AFF4: variants seen among roughly 807,000 people sequenced by gnomAD.
AFF4 encodes ALF transcription elongation factor 4, also known as AF4/FMR2 family member 4.
AFF4 carries 13 observed loss-of-function variants against 124.8 expected under a neutral mutation model. That is an observed-to-expected ratio of 0.10 (90% CI 0.07 to 0.17). The LOEUF is 0.17. AFF4 is among the 10% of genes least tolerant of loss of function. AFF4 has a pLI of 1.00. For missense variants in AFF4, 1,092 were observed against 1,403.8 expected, an observed-to-expected ratio of 0.78 and a Z score of 3.55; for synonymous variants, 477 against 496.1, an observed-to-expected ratio of 0.96 and a Z score of 0.51.
intron 5 of AFF4, among the ~76,000 whole-genome samples, chr5:132,904,892 T>C (rs559344548): frequency 1.3e-5 from 2 of 151,638 alleles, no homozygotes; most frequent in South Asian, 2.1e-4. Flanking sequence ...CTACGAAAAA[T>C]ACAAAAATTA....
chr5:132,883,225 T>C lies in AFF4; in HGVS notation c.3364+115A>G, dbSNP rs1760029719. The C allele has an allele frequency of 5.0e-6, 5 of 995,168 alleles. No individual in the cohort carries two copies. In the Admixed American group the frequency reaches 1.1e-4, roughly 22 times the overall value. The allele number at this position is 995,168 out of a possible 1,614,324, so 61.6% of individuals were successfully genotyped here. Reference sequence around the variant, plus strand: ...GCAATGAAGACTATTAACAAACAGATTATCATTAACTCTAAATAATAAAAC... The same window carrying C: ...GCAATGAAGACTATTAACAAACAGACTATCATTAACTCTAAATAATAAAAC... On this transcript the variant is annotated intron_variant, in intron 20 of 20. Transcript: ENST00000265343.
In AFF4 at chr5:132,891,899, A is replaced by G. The variant is rs1265767993; in HGVS notation, c.2637+265T>C. ...ATTCCTCAAATGATCCTTCCATCTT[A>G]GCCTCCCAAATAGCTGGGACTACAG... is the stretch of plus-strand genomic sequence containing the variant. On this transcript the variant is annotated intron_variant, in intron 13 of 20. Coordinates refer to ENST00000265343, the MANE Select transcript of AFF4 (RefSeq NM_014423.4). The G allele has an allele frequency of 9.3e-6, 5 of 535,798 alleles. No individual in the cohort carries two copies. The African/African-American group carries it at 9.5e-5, about 10-fold the overall frequency. 33.2% of individuals were successfully genotyped at this position (535,798 alleles called of 1,614,324 possible). A position where few individuals can be genotyped will look rare whatever the true frequency, so the allele number is the denominator to read the frequency against.
At chr5:132,939,252 GAT>G (rs1761510719) in intron 1 of AFF4, among the ~76,000 whole-genome samples, 1 of 150,494 alleles carries the variant, frequency 6.6e-6, no homozygotes, top group South Asian at 2.1e-4. Context: ...AAGTGTTTCA[GAT>G]ATGTTTTCAA....
chr5:132,915,968 C>T (rs1389685545), intron 5 of AFF4, among the ~76,000 whole-genome samples: 1 of 151,842 alleles, frequency 6.6e-6, no homozygotes, highest in East Asian at 1.9e-4. Context: ...TTAAGAATTG[C>T]TTAAGGCCAG....
intron 8 of AFF4, 27 bp from the exon 9 acceptor site, chr5:132,899,168 T>C (rs777536590): frequency 3.1e-6 from 5 of 1,597,968 alleles, no homozygotes; most frequent in South Asian, 1.1e-5. Context: ...AGAAAGAATC[T>C]GTGAATGAAT....
At chr5:132,899,331 A>C (rs1218204710) in intron 8 of AFF4, among the ~76,000 whole-genome samples, 190 bp from the exon 9 acceptor site, 1 of 152,212 alleles carries the variant, frequency 6.6e-6, no homozygotes, top group African/African-American at 2.4e-5. Flanking sequence ...CTTTGTTAAT[A>C]GTTATTATTG....
chr5:132,909,408 G>A (rs1248767521), intron 5 of AFF4, among the ~76,000 whole-genome samples: 1 of 152,194 alleles, frequency 6.6e-6, no homozygotes, highest in Non-Finnish European at 1.5e-5. Flanking sequence ...CTCCCCAGGT[G>A]CTGGGATTAC....
At chr5:132,908,069 G>GTTAC (rs1760710030) in intron 5 of AFF4, among the ~76,000 whole-genome samples, 2 of 151,894 alleles carry the variant, frequency 1.3e-5, no homozygotes, top group South Asian at 4.2e-4. Flanking sequence ...GGTTACTGGA[G>GTTAC]TAGTACCAGT....
intron 1 of AFF4, chr5:132,948,631 G>T: frequency 5.9e-6 from 1 of 169,818 alleles, no homozygotes; most frequent in South Asian, 1.5e-4. Flanking sequence ...TCTTTTGGCT[G>T]ATTGCAATTT....
chr5:132,907,267 T>G (rs1011429212), intron 5 of AFF4, among the ~76,000 whole-genome samples: 1 of 152,076 alleles, frequency 6.6e-6, no homozygotes, highest in African/African-American at 2.4e-5. Context: ...CTGTAGAAGT[T>G]TACCCTTCTA....
intron 5 of AFF4, among the ~76,000 whole-genome samples, chr5:132,911,722 T>C (rs1760795136): frequency 6.7e-6 from 1 of 149,132 alleles, no homozygotes; most frequent in Non-Finnish European, 1.5e-5. Flanking sequence ...TGATGGAAAC[T>C]ATAAGACCAA....
At chr5:132,914,841 A>G (rs1398237590) in intron 5 of AFF4, among the ~76,000 whole-genome samples, 1 of 152,192 alleles carries the variant, frequency 6.6e-6, no homozygotes, top group East Asian at 1.9e-4. Context: ...ATTATAAAAA[A>G]CTTACAGCAA....
At chr5:132,945,770 AAAT>A (rs1761683029) in intron 1 of AFF4, among the ~76,000 whole-genome samples, 1 of 150,946 alleles carries the variant, frequency 6.6e-6, no homozygotes, top group Non-Finnish European at 1.5e-5. Context: ...ATAAAAATAA[AAAT>A]AAACAGGCCG....
chr5:132,928,495 C>A (rs770175737), intron 4 of AFF4, among the ~76,000 whole-genome samples: 1 of 151,952 alleles, frequency 6.6e-6, no homozygotes, highest in Non-Finnish European at 1.5e-5. Context: ...CTCATTTTTT[C>A]CTTCAAAAAC....
At chr5:132,959,012 T>C (rs989298090) in intron 1 of AFF4, among the ~76,000 whole-genome samples, 1 of 152,130 alleles carries the variant, frequency 6.6e-6, no homozygotes, top group African/African-American at 2.4e-5. Context: ...TAAAACAGTA[T>C]CCACTAATAA....
chr5:132,938,963 AGG>A (rs1761500548), intron 1 of AFF4, among the ~76,000 whole-genome samples: 3 of 137,438 alleles, frequency 2.2e-5, no homozygotes, highest in Non-Finnish European at 4.7e-5. Flanking sequence ...AAAAAAAAAA[AGG>A]CAATTTAATG....
intron 7 of AFF4, among the ~76,000 whole-genome samples, chr5:132,900,407 A>C (rs1464908933): frequency 1.3e-5 from 2 of 152,136 alleles, no homozygotes; most frequent in Non-Finnish European, 2.9e-5. Context: ...AAATACAAAA[A>C]TTAGCCTGGC....
At chr5:132,902,894 C>T (rs142931463) in intron 6 of AFF4, among the ~76,000 whole-genome samples, 114 of 152,226 alleles carry the variant, frequency 7.5e-4, no homozygotes, top group Non-Finnish European at 1.0e-3. Context: ...AAAAAAATGT[C>T]CATCGATAGG....
At chr5:132,940,286 T>TC (rs1761537024) in intron 1 of AFF4, among the ~76,000 whole-genome samples, 1 of 151,260 alleles carries the variant, frequency 6.6e-6, no homozygotes, top group Non-Finnish European at 1.5e-5. Context: ...GATCACAAGG[T>TC]CAGGAGATTG....
Sources: gnomAD v4.1 joint callset for allele counts (sites outside exome capture counted in the v4.1 genomes callset) on GRCh38, gnomAD v4.1.1 for gene constraint, MANE v1.5 for transcripts, NCBI Gene and HGNC (gene_info 2026-07-23, HGNC 2026-07-21) for gene names.